The following DTNA variants were observed in gnomAD, a reference collection of about 807,000 sequenced individuals.
DTNA encodes the protein dystrophin-related protein 3.
In DTNA, 43 loss-of-function variants were observed where a neutral mutation model predicts 100.7. The observed-to-expected ratio is 0.43, with a 90% CI of 0.33 to 0.55. The LOEUF (loss-of-function observed/expected upper bound fraction) is 0.55, where lower values mean the gene tolerates loss of function less well. DTNA is among the 20% of genes least tolerant of loss of function. The probability of loss-of-function intolerance (pLI) is 0.04; values close to 1 mark genes in which losing one functional copy is unlikely to be tolerated. For synonymous variants in DTNA, 349 were observed against 347.9 expected, an observed-to-expected ratio of 1.00 and a Z score of -0.04; for missense variants, 798 against 953.9, an observed-to-expected ratio of 0.84 and a Z score of 2.15.
At chr18:34,807,711 A>C (rs2095396246) in intron 5 of DTNA, among the ~76,000 whole-genome samples, 1 of 152,132 alleles carries the variant, frequency 6.6e-6, no homozygotes, top group African/African-American at 2.4e-5. Flanking sequence ...GATTCAGAGA[A>C]GCCTAGCCAG....
chr18:34,877,010 T>A (rs1024820978), intron 18 of DTNA, among the ~76,000 whole-genome samples: 5 of 152,218 alleles, frequency 3.3e-5, no homozygotes, highest in African/African-American at 1.2e-4. Flanking sequence ...TGAAATTCCA[T>A]TAACCCTTAG....
At chr18:34,549,223 C>A (rs1372072784) in intron 1 of DTNA, among the ~76,000 whole-genome samples, 1 of 152,090 alleles carries the variant, frequency 6.6e-6, no homozygotes, top group African/African-American at 2.4e-5. Context: ...TCTGTCCACA[C>A]TAGAGCCATC....
intron 3 of DTNA, among the ~76,000 whole-genome samples, chr18:34,786,172 A>C (rs530048475): frequency 6.6e-6 from 1 of 152,214 alleles, no homozygotes; most frequent in Non-Finnish European, 1.5e-5. Flanking sequence ...CAATGCTTAT[A>C]TGCGTGTTCA....
At chr18:34,850,343 T>C (rs951027649) in intron 14 of DTNA, among the ~76,000 whole-genome samples, 2 of 152,172 alleles carry the variant, frequency 1.3e-5, no homozygotes, top group African/African-American at 4.8e-5. Flanking sequence ...ACTTATGTAA[T>C]GAAATCAGAA....
intron 3 of DTNA, among the ~76,000 whole-genome samples, chr18:34,786,620 TAC>T (rs148607514): frequency 4.0e-5 from 6 of 151,344 alleles, no homozygotes; most frequent in African/African-American, 1.2e-4. Context: ...CGCATGGATA[TAC>T]ACACACACAC....
chr18:34,753,366 A>ATTTATTTATTTAT (rs2092499145), intron 1 of DTNA, among the ~76,000 whole-genome samples: 1 of 133,150 alleles, frequency 7.5e-6, no homozygotes, highest in Non-Finnish European at 1.5e-5. Context: ...TATTTATTTT[A>ATTTATTTATTTAT]TTTTTTTTTT....
intron 1 of DTNA, among the ~76,000 whole-genome samples, chr18:34,731,364 A>G (rs2088138949): frequency 6.6e-6 from 1 of 152,024 alleles, no homozygotes; most frequent in Non-Finnish European, 1.5e-5. Flanking sequence ...CTGTAGTCCC[A>G]GCTACTCGGG....
chr18:34,557,246 G>A (rs1283535985), intron 1 of DTNA, among the ~76,000 whole-genome samples: 11 of 141,424 alleles, frequency 7.8e-5, no homozygotes, highest in Admixed American at 7.5e-4. Flanking sequence ...TCTCTGTATT[G>A]GTTATTCTAG....
chr18:34,585,565 G>T (rs66674254), intron 1 of DTNA, among the ~76,000 whole-genome samples: 15,617 of 152,110 alleles, frequency 0.1, 1,148 homozygotes, highest in African/African-American at 0.21. Context: ...GTGCTCATGT[G>T]TGTGGTAGGG....
chr18:34,673,002 C>A (rs2076958147), intron 1 of DTNA, among the ~76,000 whole-genome samples: 1 of 152,102 alleles, frequency 6.6e-6, no homozygotes, highest in Non-Finnish European at 1.5e-5. Flanking sequence ...TTTAAAAACT[C>A]CATGTTTCTT....
chr18:34,853,683 A>T lies in DTNA; in HGVS notation c.1532+1755A>T, dbSNP rs558354049. On this transcript the variant is annotated intron_variant, in intron 15 of 22. Transcript: ENST00000444659. Reference sequence around the variant, plus strand: ...AAATTTAAAAATAAAATTAAAAAAAAGTTTGTCACATGTGATCCCTGTCAA... The same window carrying T: ...AAATTTAAAAATAAAATTAAAAAAATGTTTGTCACATGTGATCCCTGTCAA... 3.3e-5 allele frequency among the ~76,000 whole-genome samples: 5 copies of T among 152,280 alleles called. No individual in the cohort carries two copies. The East Asian group carries it at 7.7e-4, about 23-fold the overall frequency.
chr18:34,505,231 C>G (rs1230993756), intron 1 of DTNA, among the ~76,000 whole-genome samples: 1 of 152,212 alleles, frequency 6.6e-6, no homozygotes, highest in East Asian at 1.9e-4. Flanking sequence ...TTCCTTGGAT[C>G]ACTCCAATTT....
chr18:34,608,559 T>G (rs2053591462), intron 1 of DTNA, among the ~76,000 whole-genome samples: 1 of 152,006 alleles, frequency 6.6e-6, no homozygotes, highest in South Asian at 2.1e-4. Context: ...GTGAGAACTA[T>G]TCATAAAAAT....
intron 22 of DTNA, 43 bp from the exon 23 acceptor site, chr18:34,887,723 C>T (rs933565294): frequency 5.1e-6 from 5 of 985,098 alleles, no homozygotes; most frequent in Admixed American, 6.2e-5. Flanking sequence ...AATTTAGAAA[C>T]AATTTGCATC....
chr18:34,749,291 A>G (rs1035349520), intron 1 of DTNA, among the ~76,000 whole-genome samples: 7 of 152,034 alleles, frequency 4.6e-5, no homozygotes, highest in Non-Finnish European at 1.5e-5. Context: ...TCTTCTTTCC[A>G]ATTTGTATGC....
chr18:34,609,986 T>C (rs2053914239), intron 1 of DTNA, among the ~76,000 whole-genome samples: 1 of 152,120 alleles, frequency 6.6e-6, no homozygotes, highest in South Asian at 2.1e-4. Flanking sequence ...AGCTTAGCGA[T>C]ATCCTCTTAT....
At chr18:34,755,221 A>T (rs1364563131) in intron 1 of DTNA, among the ~76,000 whole-genome samples, 1 of 152,206 alleles carries the variant, frequency 6.6e-6, no homozygotes, top group Non-Finnish European at 1.5e-5. Flanking sequence ...AAACATATCC[A>T]TTAACTTTCT....
intron 3 of DTNA, among the ~76,000 whole-genome samples, chr18:34,779,744 G>T (rs963924246): frequency 3.3e-5 from 5 of 152,094 alleles, no homozygotes; most frequent in Admixed American, 1.3e-4. Context: ...GTTGGTTCTT[G>T]GCACTATCTT....
chr18:34,517,460 C>CACGTGTGTGTGTGT (rs57616989), intron 1 of DTNA, among the ~76,000 whole-genome samples: 1 of 148,884 alleles, frequency 6.7e-6, no homozygotes, highest in Admixed American at 6.7e-5. Context: ...TTTATATACA[C>CACGTGTGTGTGTGT]GTGTGTGTGT....
Sources: gnomAD v4.1 joint callset for allele counts (sites outside exome capture counted in the v4.1 genomes callset) on GRCh38, gnomAD v4.1.1 for gene constraint, MANE v1.5 for transcripts, NCBI Gene and HGNC (gene_info 2026-07-23, HGNC 2026-07-21) for gene names.